The following NTRK3 variants were observed in gnomAD, a reference collection of about 807,000 sequenced individuals.
The protein encoded by NTRK3 is neurotrophic receptor tyrosine kinase 3, also known as NT-3 growth factor receptor.
A neutral mutation model predicts 91.7 loss-of-function variants in NTRK3; 24 were observed. The ratio of observed to expected loss-of-function variants is 0.26; its 90% CI spans 0.19 to 0.37. NTRK3 has a LOEUF of 0.37. Ranked by LOEUF, NTRK3 falls within the 10% of genes least tolerant of loss-of-function variation. The pLI, the probability that NTRK3 is intolerant of heterozygous loss-of-function variation, is 1.00. For missense variants in NTRK3, 880 were observed against 1,068.9 expected (o/e 0.82, Z 2.46); for synonymous variants, 483 against 404.0 (o/e 1.20, Z -2.34).
intron 14 of NTRK3, among the ~76,000 whole-genome samples, chr15:87,943,514 G>A (rs2070112853): frequency 6.6e-6 from 1 of 152,040 alleles, no homozygotes; most frequent in Non-Finnish European, 1.5e-5. Context: ...AGATTTTCCT[G>A]GGTCCCTAAG....
At chr15:87,950,663 A>G (rs7178071) in intron 14 of NTRK3, among the ~76,000 whole-genome samples, 24,162 of 152,170 alleles carry the variant, frequency 0.16, 2,141 homozygotes, top group South Asian at 0.29. Context: ...AATTAAGAAA[A>G]TATCCACCTC....
intron 13 of NTRK3, among the ~76,000 whole-genome samples, chr15:88,110,949 CAAAG>C (rs2150970578): frequency 6.6e-6 from 1 of 152,194 alleles, no homozygotes; most frequent in South Asian, 2.1e-4. Flanking sequence ...TGGCAGTGTG[CAAAG>C]AGAGAAGGGA....
intron 3 of NTRK3, among the ~76,000 whole-genome samples, chr15:88,214,552 T>C (rs1030761053): frequency 4.0e-5 from 6 of 151,652 alleles, no homozygotes; most frequent in African/African-American, 1.5e-4. Flanking sequence ...AGAGTAGACA[T>C]GAGCTTTACA....
chr15:88,054,068 C>T (rs77786840), intron 13 of NTRK3, among the ~76,000 whole-genome samples: 2,885 of 152,254 alleles, frequency 0.019, 53 homozygotes, highest in Non-Finnish European at 0.026. Context: ...TGACTGGTTC[C>T]ATCACCATGA....
At chr15:88,034,084 A>G (rs1596851921) in intron 13 of NTRK3, among the ~76,000 whole-genome samples, 1 of 152,248 alleles carries the variant, frequency 6.6e-6, no homozygotes, top group Admixed American at 6.5e-5. Context: ...GCTGGCCACC[A>G]GACTCCCAGG....
chr15:87,917,306 G>A (rs2067516125), intron 17 of NTRK3, among the ~76,000 whole-genome samples: 1 of 152,258 alleles, frequency 6.6e-6, no homozygotes. Flanking sequence ...CAGCTGAAAG[G>A]AATAAGGAAG....
chr15:88,182,242 T>C (rs1178341629), intron 5 of NTRK3, among the ~76,000 whole-genome samples: 2 of 151,956 alleles, frequency 1.3e-5, no homozygotes, highest in Non-Finnish European at 2.9e-5. Context: ...CAAATATTTA[T>C]CAAGCACTCA....
At chr15:87,941,127 G>T (rs748787188) in intron 14 of NTRK3, among the ~76,000 whole-genome samples, 2 of 152,104 alleles carry the variant, frequency 1.3e-5, no homozygotes, top group Non-Finnish European at 2.9e-5. Flanking sequence ...TTGTCAAAAT[G>T]AAGATTCTAA....
intron 14 of NTRK3, among the ~76,000 whole-genome samples, chr15:88,003,253 G>T (rs1460567674): frequency 1.3e-5 from 2 of 152,240 alleles, no homozygotes; most frequent in African/African-American, 4.8e-5. Flanking sequence ...CGTAGAAGCA[G>T]CCAACTATGA....
At chr15:88,194,832 C>G (rs2047686182) in intron 3 of NTRK3, among the ~76,000 whole-genome samples, 2 of 152,218 alleles carry the variant, frequency 1.3e-5, no homozygotes, top group South Asian at 4.1e-4. Flanking sequence ...TGAAACCTCC[C>G]TCTCTCTTTA....
intron 14 of NTRK3, among the ~76,000 whole-genome samples, chr15:87,958,387 T>C (rs937049199): frequency 6.6e-6 from 1 of 152,160 alleles, no homozygotes; most frequent in Non-Finnish European, 1.5e-5. Context: ...GATGCTCAGA[T>C]ATCATCTGAC....
chr15:88,255,282 G>A lies in NTRK3; in HGVS notation c.248+624C>T, dbSNP rs1284245613. ...AATGCCCAAAATGGGGCTGGAGAGG[G>A]CGGGCTGCAGGAGGGGAAGGGAAGA... On this transcript the variant is annotated intron_variant, in intron 3 of 18. Coordinates refer to ENST00000394480, the Ensembl canonical transcript of NTRK3. The surrounding 1 kb of genome is among the most constrained non-coding windows in gnomAD (Gnocchi z 4.3). Among the ~76,000 whole-genome samples the A allele has an allele frequency of 6.6e-6, 1 of 152,226 alleles. No individual in the cohort carries two copies. Among genetic ancestry groups the A allele is most frequent in the Non-Finnish European group, 1.5e-5 (1 of 68,048 alleles).
intron 3 of NTRK3, among the ~76,000 whole-genome samples, chr15:88,247,918 C>A (rs1274651652): frequency 6.6e-6 from 1 of 152,158 alleles, no homozygotes; most frequent in Non-Finnish European, 1.5e-5. Flanking sequence ...CAGAAAGAAG[C>A]TCTAAACATC....
intron 13 of NTRK3, among the ~76,000 whole-genome samples, chr15:88,114,118 G>A (rs1465587670): frequency 6.6e-6 from 1 of 152,166 alleles, no homozygotes; most frequent in Admixed American, 6.5e-5. Context: ...GCAATCCTAA[G>A]TGACACCAGA....
intron 17 of NTRK3, among the ~76,000 whole-genome samples, chr15:87,913,945 C>A (rs754945973): frequency 1.3e-5 from 2 of 152,096 alleles, no homozygotes; most frequent in African/African-American, 4.8e-5. Flanking sequence ...AAAGAATGAG[C>A]CTTGGAACTG....
chr15:87,919,230 G>C (rs182542664), intron 17 of NTRK3, among the ~76,000 whole-genome samples: 49 of 152,292 alleles, frequency 3.2e-4, no homozygotes, highest in African/African-American at 1.1e-3. Context: ...CTGAATCTAG[G>C]CTTCTTGGCT....
At chr15:88,065,798 C>G (rs2046600721) in intron 13 of NTRK3, among the ~76,000 whole-genome samples, 1 of 152,224 alleles carries the variant, frequency 6.6e-6, no homozygotes, top group Non-Finnish European at 1.5e-5. Context: ...ACTGGCTGAT[C>G]TGAAACTCTC....
chr15:88,187,760 C>A (rs940032227), intron 3 of NTRK3, among the ~76,000 whole-genome samples: 1 of 151,880 alleles, frequency 6.6e-6, no homozygotes, highest in African/African-American at 2.4e-5. Context: ...ATGGGGAAAC[C>A]CTGTCTCTAC....
At chr15:87,901,892 C>T (rs923970420) in intron 17 of NTRK3, among the ~76,000 whole-genome samples, 1 of 151,756 alleles carries the variant, frequency 6.6e-6, no homozygotes, top group Non-Finnish European at 1.5e-5. Flanking sequence ...ATTCCAAAAC[C>T]AAAGTTCTTA....
Sources: allele counts gnomAD v4.1 joint callset (sites outside exome capture counted in the v4.1 genomes callset), GRCh38; gene constraint gnomAD v4.1.1; non-coding constraint Gnocchi (gnomAD v3.1); transcripts MANE v1.5; gene names NCBI Gene and HGNC (gene_info 2026-07-23, HGNC 2026-07-21).